The following LTK variants were observed in gnomAD, a reference collection of about 807,000 sequenced individuals.
The protein encoded by LTK is leukocyte receptor tyrosine kinase.
Under a neutral mutation model 101.5 loss-of-function variants are expected in LTK, and 117 were observed. The observed-to-expected ratio is 1.15, with a 90% CI of 0.99 to 1.34. LTK has a LOEUF of 1.34. Ranked by LOEUF, LTK falls within the 40% of genes most tolerant of loss-of-function variation. The probability of loss-of-function intolerance (pLI) is 0.00; values close to 1 mark genes in which losing one functional copy is unlikely to be tolerated. For synonymous variants in LTK, 563 were observed against 494.2 expected, an observed-to-expected ratio of 1.14 and a Z score of -1.85; for missense variants, 1,252 against 1,164.7, an observed-to-expected ratio of 1.07 and a Z score of -1.09.
At position 41,504,859 on chromosome 15, in the gene LTK, G is replaced by T. The variant is rs2140690251; in HGVS notation, c.2034C>A (p.Arg678=). ...ARDIYRASYY[R]RGDRALLPVK... is the part of the protein sequence containing the mutation. ...CTGGGAGCAAGGCCCGGTCCCCCCT[G>T]CGGTAATAACTGGCCCTACAGGAGG... is the stretch of plus-strand genomic sequence containing the variant. The change falls in exon 17 of 20, where the codon CGC becomes CGA. Residue 678 remains arginine, a synonymous_variant. Coordinates refer to ENST00000263800, the MANE Select transcript of LTK (RefSeq NM_002344.6). 6.2e-7 allele frequency: 1 copy of T among 1,613,036 alleles called. No homozygotes were observed. Among genetic ancestry groups the T allele is most frequent in the African/African-American group, 1.3e-5 (1 of 75,012 alleles).
chr15:41,508,948 G>T, intron 8 of LTK, 83 bp downstream of exon 8: 1 of 821,622 alleles, frequency 1.2e-6, no homozygotes, highest in Non-Finnish European at 2.0e-6. Flanking sequence ...AGTGCAGGTG[G>T]CTCTTCAGTG....
rs889714847 is a variant in LTK, at chr15:41,505,716, A to G, written c.1694T>C (p.Ile565Thr). 6.2e-7 allele frequency: 1 copy of G among 1,613,626 alleles called. No individual in the cohort carries two copies. The highest frequency in any genetic ancestry group is 8.5e-7 in the Non-Finnish European group (1 of 1,179,916). The change falls in exon 13 of 20, where the codon ATC (isoleucine) becomes ACC (threonine). Residue 565 changes from isoleucine (I) to threonine (T), a missense_variant. Coordinates refer to ENST00000263800, the MANE Select transcript of LTK (RefSeq NM_002344.6). ...CTGCCCCTGGTCCCAGGTGCACCTGATGATGAGGGCCTCCATGAGGAAATC... is the reference window on the plus strand; with the variant it reads ...CTGCCCCTGGTCCCAGGTGCACCTGGTGATGAGGGCCTCCATGAGGAAATC... ...ELDFLMEALI[I>T]SKFRHQNIVR...
rs2051315763 is a variant in LTK, at chr15:41,507,232, C to T, written c.1404G>A (p.Glu468=). The change falls in exon 11 of 20, where the codon GAG becomes GAA. Residue 468 remains glutamate (E), a synonymous_variant. Coordinates refer to ENST00000263800, the MANE Select transcript of LTK (RefSeq NM_002344.6). ...TGGCAGAGGTTCGAAGCTTGCTCAG[C>T]TCAAGCTCAGGGCTCGGCAGCCTCA... ...QEMRLPSPEL[E]LSKLRTSAIR... The T allele has an allele frequency of 1.2e-6, 2 of 1,612,250 alleles. No individual in the cohort carries two copies. Among genetic ancestry groups the T allele is most frequent in the African/African-American group, 2.7e-5 (2 of 74,794 alleles).
At chr15:41,506,283 C>T (rs1160783264) in intron 11 of LTK, among the ~76,000 whole-genome samples, 1 of 152,228 alleles carries the variant, frequency 6.6e-6, no homozygotes, top group Non-Finnish European at 1.5e-5. Context: ...GGGCGGGAGG[C>T]AATCCCTGGG....
At chr15:41,506,763 T>A (rs1047102908) in intron 11 of LTK, among the ~76,000 whole-genome samples, 1 of 152,070 alleles carries the variant, frequency 6.6e-6, no homozygotes, top group African/African-American at 2.4e-5. Flanking sequence ...GCTAATTTTG[T>A]ATTTTTAGTA....
chr15:41,511,297 G>T lies in LTK; in HGVS notation c.864C>A (p.Arg288=). ...TSRAPSPQAG[R]SLQEGAEGGQ... ...CGCCCTCCGCCCCCTCCTGCAGTGA[G>T]CGGCCGGCCTGCGGAGAGGGAGCCC... Residue 288 remains arginine, a synonymous_variant, in exon 7 of 20, where the codon CGC becomes CGA. Transcript: ENST00000263800. This position sits in a 1 kb window ranked among gnomAD's most constrained non-coding sequence, Gnocchi z 5.9. 1.4e-6 allele frequency: 2 copies of T among 1,385,108 alleles called. No individual in the cohort carries two copies. The highest frequency in any genetic ancestry group is 1.9e-6 in the Non-Finnish European group (2 of 1,076,250). 85.8% of individuals were successfully genotyped at this position (1,385,108 alleles called of 1,614,324 possible).
intron 11 of LTK, 37 bp downstream of exon 11, chr15:41,507,058 G>A (rs201871544): frequency 6.4e-7 from 1 of 1,569,866 alleles, no homozygotes; most frequent in East Asian, 2.2e-5. Flanking sequence ...TGGGGATTCA[G>A]AGTGCATAGG....
chr15:41,509,124 C>A lies in LTK; in HGVS notation c.1003G>T (p.Asp335Tyr). 1 of 1,608,860 alleles carries A rather than the reference C, an allele frequency of 6.2e-7. No homozygotes were observed. Reference protein sequence around the residue: ...GGGGGGYRGGDASETDNLWAD... With the variant: ...GGGGGGYRGGYASETDNLWAD... Reference sequence around the variant, plus strand: ...CAGAGGTTGTCAGTCTCTGAAGCGTCGCCCCCTGGAAGTGGAGAGTGATGG... The same window carrying A: ...CAGAGGTTGTCAGTCTCTGAAGCGTAGCCCCCTGGAAGTGGAGAGTGATGG... The change falls in exon 8 of 20, where the codon GAC (aspartate) becomes TAC (tyrosine). Residue 335 changes from aspartate to tyrosine, a missense_variant. By Grantham distance (160) the Asp-to-Tyr change is radical (BLOSUM62 -3). Transcript: ENST00000263800.
intron 9 of LTK, 150 bp downstream of exon 9, chr15:41,507,919 C>A: frequency 1.2e-6 from 1 of 818,370 alleles, no homozygotes; most frequent in Non-Finnish European, 1.9e-6. Flanking sequence ...CTGAAAGGCA[C>A]TGTGCACCGA....
chr15:41,509,056 G>A lies in LTK; in HGVS notation c.1071C>T (p.Ser357=), dbSNP rs200847666. 4.7e-5 allele frequency: 75 copies of A among 1,610,652 alleles called. No homozygotes were observed. Among genetic ancestry groups the A allele is most frequent in the East Asian group, 2.2e-5 (1 of 44,876 alleles). ...CTGCCAGAGGCTGCAGGAAGAGCTC[G>A]CTGCTGGGGTGTATGAAGGATACTC... ...EDGVSFIHPS[S]ELFLQPLAVT... is the part of the protein sequence containing the mutation. The change falls in exon 8 of 20, where the codon AGC becomes AGT. Residue 357 remains serine (S), a synonymous_variant. Transcript: ENST00000263800.
Position 41,504,216 on chromosome 15 carries a change from G to A in LTK, c.2375C>T (p.Pro792Leu). The A allele has an allele frequency of 1.2e-6, 2 of 1,611,054 alleles. No homozygotes were observed. The highest frequency in any genetic ancestry group is 8.5e-7 in the Non-Finnish European group (1 of 1,178,022). ...CTCTGGGGTGGGCCCCAGCTCCATT[G>A]GCAGGAGTGAATTCAGCACATCCGG... is the stretch of plus-strand genomic sequence containing the variant. ...QDPDVLNSLLPMELGPTPEEE... is the reference protein window; with the variant it reads ...QDPDVLNSLLLMELGPTPEEE... The change falls in exon 20 of 20, where the codon CCA (proline) becomes CTA (leucine). Residue 792 changes from proline to leucine, a missense_variant. Physicochemically the swap from Pro to Leu is moderately conservative, Grantham distance 98. Coordinates refer to ENST00000263800, the MANE Select transcript of LTK (RefSeq NM_002344.6).
At chr15:41,510,477 T>C (rs1389302571) in intron 7 of LTK, among the ~76,000 whole-genome samples, 1 of 138,160 alleles carries the variant, frequency 7.2e-6, no homozygotes, top group Non-Finnish European at 1.6e-5. Context: ...TTTTTAATCT[T>C]TGAGACAGAA....
Position 41,512,212 on chromosome 15 carries a change from C to A in LTK, c.413G>T (p.Arg138Leu). The A allele has an allele frequency of 6.2e-7, 1 of 1,613,138 alleles. No individual in the cohort carries two copies. Among genetic ancestry groups the A allele is most frequent in the Non-Finnish European group, 8.5e-7 (1 of 1,179,836 alleles). Reference protein sequence around the residue: ...GGKGAKNHLSRAHGVFVSAIF... With the variant: ...GGKGAKNHLSLAHGVFVSAIF... Reference sequence around the variant, plus strand: ...TGCTGAGACGAAGACGCCATGCGCCCGCGACAGGTGGTTCTTGGCGCCTTT... The same window carrying A: ...TGCTGAGACGAAGACGCCATGCGCCAGCGACAGGTGGTTCTTGGCGCCTTT... Residue 138 changes from arginine to leucine, a missense_variant, in exon 4 of 20, where the codon CGG (arginine) becomes CTG (leucine). By Grantham distance (102) the Arg-to-Leu change is moderately radical. Transcript: ENST00000263800.
Position 41,507,557 on chromosome 15 carries a change from C to A in LTK, c.1345+5G>T. ...AATCAACTGTGCCTGCTAGACGCTTCGTACCCAGAATCAGGACCCCACACA... is the reference window on the plus strand; with the variant it reads ...AATCAACTGTGCCTGCTAGACGCTTAGTACCCAGAATCAGGACCCCACACA... On this transcript the variant is annotated splice_donor_5th_base_variant and intron_variant, in intron 10 of 19. Coordinates refer to ENST00000263800, the MANE Select transcript of LTK (RefSeq NM_002344.6). 1 of 1,613,370 alleles carries A rather than the reference C, an allele frequency of 6.2e-7. No individual in the cohort carries two copies. The highest frequency in any genetic ancestry group is 8.5e-7 in the Non-Finnish European group (1 of 1,179,794).
chr15:41,508,454 C>G (rs1595463949), intron 8 of LTK, among the ~76,000 whole-genome samples: 2 of 151,624 alleles, frequency 1.3e-5, no homozygotes, highest in Admixed American at 6.6e-5. Flanking sequence ...GCTACTCCAG[C>G]ACTGAGGCTG....
In LTK at chr15:41,511,271, CCG is replaced by C; in HGVS notation, c.888_889del (p.Gly297ProfsTer43). 7.0e-7 allele frequency: 1 copy of C among 1,419,274 alleles called. No homozygotes were observed. Among genetic ancestry groups the C allele is most frequent in the Non-Finnish European group, 9.2e-7 (1 of 1,091,274 alleles). 87.9% of individuals were successfully genotyped at this position (1,419,274 alleles called of 1,614,324 possible). Reference sequence around the variant, plus strand: ...CGCCCAAGCCTCGGAGCAGCCCTGGCCGCCCTCCGCCCCCTCCTGCAGTGAGC... The same window carrying C: ...CGCCCAAGCCTCGGAGCAGCCCTGGCCCCTCCGCCCCCTCCTGCAGTGAGC... On this transcript the variant is annotated frameshift_variant, in exon 7 of 20. Coordinates refer to ENST00000263800, the MANE Select transcript of LTK (RefSeq NM_002344.6). LOFTEE classifies it high-confidence loss of function. The surrounding 1 kb of genome is among the most constrained non-coding windows in gnomAD (Gnocchi z 5.9).
At position 41,507,140 on chromosome 15, in the gene LTK, G is replaced by A; in HGVS notation, c.1496C>T (p.Pro499Leu). The A allele has an allele frequency of 1.9e-6, 3 of 1,613,600 alleles. No homozygotes were observed. The highest frequency in any genetic ancestry group is 1.7e-4 in the Middle Eastern group (1 of 6,056). Residue 499 changes from proline to leucine, a missense_variant, in exon 11 of 20, where the codon CCA (proline) becomes CTA (leucine). Pro to Leu is a moderately conservative substitution (Grantham distance 98). Transcript: ENST00000263800. ...TGGGGAAACCTCGGTGACACCTGGT[G>A]GCAGAGGCCAGGACTGGGCCGGGCC... The part of the protein sequence containing the change: ...GLGPAQSWPL[P>L]PGVTEVSPAN...
chr15:41,505,446 A>G lies in LTK; in HGVS notation c.1782T>C (p.Ser594=), dbSNP rs762669974. Residue 594 remains serine, a synonymous_variant, in exon 14 of 20, where the codon TCT becomes TCC. Transcript: ENST00000263800. ...TCAGGAAACTCTTCATGTCCCCTCC[A>G]GACATCAGTTCCAGCAGAATGAGGC... ...TPRLILLELM[S]GGDMKSFLRH... The G allele has an allele frequency of 3.1e-6, 5 of 1,614,080 alleles. No individual in the cohort carries two copies. Among genetic ancestry groups the G allele is most frequent in the Non-Finnish European group, 4.2e-6 (5 of 1,179,982 alleles).
At position 41,512,968 on chromosome 15, in the gene LTK, A is replaced by G; in HGVS notation, c.187+9T>C. 6.2e-7 allele frequency: 1 copy of G among 1,613,672 alleles called. No individual in the cohort carries two copies. Among genetic ancestry groups the G allele is most frequent in the Non-Finnish European group, 8.5e-7 (1 of 1,179,908 alleles). On this transcript the variant is annotated intron_variant, in intron 2 of 19. Coordinates refer to ENST00000263800, the MANE Select transcript of LTK (RefSeq NM_002344.6). ...TGAGCGAAAGAGGAAGGAGGCGTCT[A>G]AAGCTCACCCGGAGAATTCAGCGGG...
Sources: allele counts gnomAD v4.1 joint callset (sites outside exome capture counted in the v4.1 genomes callset), GRCh38; gene constraint gnomAD v4.1.1; non-coding constraint Gnocchi (gnomAD v3.1); transcripts MANE v1.5; gene names NCBI Gene and HGNC (gene_info 2026-07-23, HGNC 2026-07-21).